Variants in DIAPH1 observed in about 807,000 individuals in gnomAD.
DIAPH1 encodes the protein protein diaphanous homolog 1.
Under a neutral mutation model 140.7 loss-of-function variants are expected in DIAPH1, and 46 were observed. That is an observed-to-expected ratio of 0.33 (90% CI 0.26 to 0.42). The LOEUF (loss-of-function observed/expected upper bound fraction) is 0.42. DIAPH1 is among the 10% of genes least tolerant of loss of function. The pLI, the probability that DIAPH1 is intolerant of heterozygous loss-of-function variation, is 1.00. For synonymous variants in DIAPH1, 565 were observed against 551.6 expected (o/e 1.02, Z -0.34); for missense variants, 1,310 against 1,558.7 (o/e 0.84, Z 2.69).
intron 18 of DIAPH1, among the ~76,000 whole-genome samples, chr5:141,554,916 G>T (rs2099892323): frequency 6.6e-6 from 1 of 152,064 alleles, no homozygotes; most frequent in Non-Finnish European, 1.5e-5. Flanking sequence ...TATACCAAAA[G>T]CTACAGGCAA....
At chr5:141,530,818 T>C (rs1221069209) in intron 19 of DIAPH1, among the ~76,000 whole-genome samples, 1 of 152,178 alleles carries the variant, frequency 6.6e-6, no homozygotes, top group Non-Finnish European at 1.5e-5. Flanking sequence ...AAGAAAACTA[T>C]ACCAACATTT....
At chr5:141,611,025 T>C (rs2099901754) in intron 1 of DIAPH1, among the ~76,000 whole-genome samples, 1 of 151,932 alleles carries the variant, frequency 6.6e-6, no homozygotes, top group Non-Finnish European at 1.5e-5. Context: ...AGGAGGTCGA[T>C]GCTGCAACTG....
intron 16 of DIAPH1, among the ~76,000 whole-genome samples, chr5:141,573,004 G>A (rs2099895419): frequency 6.6e-6 from 1 of 152,232 alleles, no homozygotes; most frequent in Admixed American, 6.5e-5. Flanking sequence ...CCGTGGTGAT[G>A]TATGGAATAA....
chr5:141,573,709 G>A lies in DIAPH1; in HGVS notation c.2141C>T (p.Pro714Leu), dbSNP rs760797227. 8.2e-5 allele frequency: 131 copies of A among 1,593,054 alleles called. No individual in the cohort carries two copies. Among genetic ancestry groups the A allele is most frequent in the Non-Finnish European group, 9.9e-5 (115 of 1,167,158 alleles). ...PPPLPGEAGM[P>L]PPPPPLPGGP... ...ACCAGGAAGAGGGGGAGGAGGAGGTGGCATTCCTGCTTCTCCAGGCAAGGG... is the reference window on the plus strand; with the variant it reads ...ACCAGGAAGAGGGGGAGGAGGAGGTAGCATTCCTGCTTCTCCAGGCAAGGG... The change falls in exon 16 of 28, where the codon CCA becomes CTA. Residue 714 changes from proline to leucine, a missense_variant. Around this residue, in one of 3 missense-constraint regions of DIAPH1, gnomAD observed 589 missense variants for 549.3 expected, o/e 1.07. Transcript: ENST00000389054.
At chr5:141,556,819 G>A (rs1385875796) in intron 18 of DIAPH1, among the ~76,000 whole-genome samples, 1 of 152,158 alleles carries the variant, frequency 6.6e-6, no homozygotes, top group Non-Finnish European at 1.5e-5. Flanking sequence ...AGCCTCCCGA[G>A]TAGCTGGAAT....
intron 19 of DIAPH1, among the ~76,000 whole-genome samples, chr5:141,530,902 C>T (rs1380283661): frequency 6.6e-6 from 1 of 152,174 alleles, no homozygotes; most frequent in Non-Finnish European, 1.5e-5. Context: ...TCATCCTTTC[C>T]TCATGTGTCA....
intron 1 of DIAPH1, among the ~76,000 whole-genome samples, chr5:141,595,459 C>G (rs1355850233): frequency 6.6e-6 from 1 of 152,190 alleles, no homozygotes; most frequent in Non-Finnish European, 1.5e-5. Context: ...ATGTAATCCC[C>G]ATAATCCCCA....
intron 18 of DIAPH1, among the ~76,000 whole-genome samples, chr5:141,555,993 G>A (rs1304357562): frequency 6.6e-6 from 1 of 152,094 alleles, no homozygotes; most frequent in East Asian, 1.9e-4. Flanking sequence ...TATCACCTGT[G>A]CCCTTCCCTT....
intron 18 of DIAPH1, among the ~76,000 whole-genome samples, chr5:141,541,616 C>T (rs202017973): frequency 2.5e-3 from 374 of 147,324 alleles, no homozygotes; most frequent in African/African-American, 9.0e-3. Context: ...ACCCGGGAGG[C>T]GGAGGTTCTA....
At chr5:141,563,582 C>T (rs1020887089) in intron 18 of DIAPH1, 4 of 151,910 alleles carry the variant, frequency 2.6e-5, no homozygotes, top group African/African-American at 9.7e-5. Flanking sequence ...TAATACTGAC[C>T]CCCCAACTAG....
intron 1 of DIAPH1, among the ~76,000 whole-genome samples, chr5:141,591,695 G>GAGAGATATATATATATATATATATAT (rs1212743856): frequency 1.2e-5 from 1 of 86,326 alleles, no homozygotes; most frequent in African/African-American, 5.7e-5. Context: ...GGGAGATGGG[G>GAGAGATATATATATATATATATATAT]ATATATATAT....
rs182139018 is a variant in DIAPH1 at position 141,574,114 on chromosome 5, C to T, written c.1736G>A (p.Arg579His). 1.4e-3 allele frequency: 2,263 copies of T among 1,613,888 alleles called. No homozygotes were observed. Among genetic ancestry groups the T allele is most frequent in the Non-Finnish European group, 1.7e-3 (1,970 of 1,179,984 alleles). The change falls in exon 16 of 28, where the codon CGT becomes CAT. Residue 579 changes from arginine (R) to histidine (H), a missense_variant. Arg to His is a conservative substitution (Grantham distance 29). Transcript: ENST00000389054. ...AITVPPSVPS[R>H]APVPPAPPLP... ...AGGAGGGGCAGGGGGAACAGGAGCA[C>T]GACTAGGAACAGAAGGAGGTACAGT...
chr5:141,519,219 C>T (rs1002668044), intron 27 of DIAPH1, among the ~76,000 whole-genome samples: 1 of 152,192 alleles, frequency 6.6e-6, no homozygotes, highest in Non-Finnish European at 1.5e-5. Flanking sequence ...ACTGTCCTTA[C>T]CACCAAAATC....
chr5:141,555,944 C>A (rs907130303), intron 18 of DIAPH1, among the ~76,000 whole-genome samples: 3 of 152,162 alleles, frequency 2.0e-5, no homozygotes, highest in Non-Finnish European at 4.4e-5. Flanking sequence ...GAGTGTCCTG[C>A]CAGCCTTGCC....
At chr5:141,605,663 G>A (rs2099900809) in intron 1 of DIAPH1, among the ~76,000 whole-genome samples, 1 of 152,218 alleles carries the variant, frequency 6.6e-6, no homozygotes, top group African/African-American at 2.4e-5. Flanking sequence ...ACGACTTTGA[G>A]CAACTTAATA....
chr5:141,607,408 T>G (rs1340028717), intron 1 of DIAPH1, among the ~76,000 whole-genome samples: 1 of 152,172 alleles, frequency 6.6e-6, no homozygotes, highest in Admixed American at 6.5e-5. Flanking sequence ...GGACTGAAAA[T>G]CAAATAAACT....
At chr5:141,593,446 A>C (rs892513483) in intron 1 of DIAPH1, among the ~76,000 whole-genome samples, 5 of 152,188 alleles carry the variant, frequency 3.3e-5, no homozygotes, top group African/African-American at 1.2e-4. Flanking sequence ...TTCCCCCTCT[A>C]GTCTCTTAGA....
intron 18 of DIAPH1, among the ~76,000 whole-genome samples, chr5:141,568,724 A>G (rs967274572): frequency 1.3e-5 from 2 of 152,172 alleles, no homozygotes; most frequent in African/African-American, 4.8e-5. Flanking sequence ...TGGAGGGGCC[A>G]GTAGGTATAC....
Position 141,543,836 on chromosome 5 carries a change from G to A in DIAPH1, c.2483-9403C>T, listed in dbSNP as rs190834284. On this transcript the variant is annotated intron_variant, in intron 18 of 27. Coordinates refer to ENST00000389054, the MANE Select transcript of DIAPH1 (RefSeq NM_005219.5). Reference sequence around the variant, plus strand: ...ACTTTAAAGATGAATTTTATCATATGTGAATTATATGTCAATACAATCAAT... The same window carrying A: ...ACTTTAAAGATGAATTTTATCATATATGAATTATATGTCAATACAATCAAT... Among the ~76,000 whole-genome samples the A allele has an allele frequency of 4.9e-4, 75 of 152,308 alleles. 1 individual carries two copies. The highest frequency in any genetic ancestry group is 2.6e-3 in the Admixed American group (40 of 15,288).
Sources: allele counts gnomAD v4.1 joint callset (sites outside exome capture counted in the v4.1 genomes callset), GRCh38; gene constraint gnomAD v4.1.1; regional missense constraint gnomAD v4.1.1; transcripts MANE v1.5; gene names NCBI Gene and HGNC (gene_info 2026-07-23, HGNC 2026-07-21).